NLGN4Y: variants seen among roughly 807,000 people sequenced by gnomAD.
NLGN4Y encodes the protein neuroligin 4 Y-linked.
In NLGN4Y, 4 loss-of-function variants were observed where a neutral mutation model predicts 8.4. That is an observed-to-expected ratio of 0.48 (90% confidence interval 0.23 to 1.09). NLGN4Y has a LOEUF of 1.09. Among genes scored for constraint, NLGN4Y ranks in the 50% least tolerant of loss-of-function variants. The pLI, the probability that NLGN4Y is intolerant of heterozygous loss-of-function variation, is 0.19. For missense variants in NLGN4Y, 90 were observed against 192.3 expected, an observed-to-expected ratio of 0.47 and a Z score of 3.15; for synonymous variants, 35 against 75.6, an observed-to-expected ratio of 0.46 and a Z score of 2.78.
chrY:14,550,238 C>A, intron 1 of NLGN4Y, among the ~76,000 whole-genome samples: 1 of 34,102 alleles, frequency 2.9e-5, no homozygotes, highest in South Asian at 6.5e-4. Flanking sequence ...TGAATATGCA[C>A]AAATATGTTT....
chrY:14,642,348 G>A, intron 2 of NLGN4Y, among the ~76,000 whole-genome samples: 1 of 33,604 alleles, frequency 3.0e-5, no homozygotes, highest in Non-Finnish European at 7.3e-5. Flanking sequence ...TAAGCCTACT[G>A]GCCCCACCCA....
intron 2 of NLGN4Y, among the ~76,000 whole-genome samples, chrY:14,707,968 A>G (rs1021451379): frequency 1.8e-4 from 6 of 32,839 alleles, no homozygotes; most frequent in Admixed American, 5.7e-4. Context: ...CTATTTCCTA[A>G]CCCTATTTTA....
At chrY:14,605,552 T>G in intron 1 of NLGN4Y, among the ~76,000 whole-genome samples, 2 of 32,986 alleles carry the variant, frequency 6.1e-5, no homozygotes, top group African/African-American at 1.2e-4. Flanking sequence ...TCTGTGGTAG[T>G]TCCTCTTAAG....
intron 1 of NLGN4Y, among the ~76,000 whole-genome samples, chrY:14,591,936 G>A: frequency 6.0e-5 from 2 of 33,254 alleles, no homozygotes; most frequent in South Asian, 6.8e-4. Flanking sequence ...CCTTCGTAAC[G>A]AGGGTGGAAG....
intron 4 of NLGN4Y, among the ~76,000 whole-genome samples, chrY:14,736,893 C>T (rs2080992954): frequency 3.0e-5 from 1 of 32,877 alleles, no homozygotes. Flanking sequence ...TCTTTATTAG[C>T]AACATGAGAA....
At chrY:14,824,423 A>G in intron 5 of NLGN4Y, 50 bp downstream of exon 5, 3 of 363,224 alleles carry the variant, frequency 8.3e-6, no homozygotes, top group Non-Finnish European at 1.2e-5. Flanking sequence ...GAACCAAGAA[A>G]TGAATAGTCA....
chrY:14,701,430 A>T, intron 2 of NLGN4Y, among the ~76,000 whole-genome samples: 1 of 33,767 alleles, frequency 3.0e-5, no homozygotes, highest in Non-Finnish European at 7.3e-5. Context: ...ATGCTACTAT[A>T]GAAAATTACA....
intron 2 of NLGN4Y, among the ~76,000 whole-genome samples, chrY:14,686,146 T>A (rs2080790167): frequency 6.0e-5 from 2 of 33,263 alleles, no homozygotes; most frequent in African/African-American, 2.3e-4. Flanking sequence ...GCCTTCCTGA[T>A]GAGCTGAGGG....
At chrY:14,598,386 G>C (rs1014086720) in intron 1 of NLGN4Y, among the ~76,000 whole-genome samples, 3 of 33,915 alleles carry the variant, frequency 8.8e-5, no homozygotes, top group Non-Finnish European at 2.2e-4. Flanking sequence ...GCGCAGCGCC[G>C]GTGGGCCAGC....
At chrY:14,565,273 A>G in intron 1 of NLGN4Y, among the ~76,000 whole-genome samples, 1 of 32,041 alleles carries the variant, frequency 3.1e-5, no homozygotes, top group Non-Finnish European at 7.5e-5. Flanking sequence ...AAGAACCTTG[A>G]AAAAAGGTGA....
At chrY:14,635,305 A>G in intron 2 of NLGN4Y, among the ~76,000 whole-genome samples, 1 of 33,134 alleles carries the variant, frequency 3.0e-5, no homozygotes, top group East Asian at 7.9e-4. Flanking sequence ...TAATAAATAA[A>G]TCATTATTTG....
rs2150588126 is a variant in NLGN4Y at position 14,812,134 on chromosome Y, C to T, written c.686-12054C>T. On this transcript the variant is annotated intron_variant, in intron 4 of 6. Transcript: ENST00000684976. ...AGGCAAGAGAGCATGTGCAGGGGAA[C>T]TGTCCTTCATAAAATCATCAAATCT... Among the ~76,000 whole-genome samples, 7 of 33,178 alleles carry T rather than the reference C, an allele frequency of 2.1e-4. No individual in the cohort carries two copies. In the East Asian group the frequency reaches 5.5e-3, roughly 26 times the overall value. The allele number at this position is 33,178 out of a possible 37,273, so 89.0% of individuals were successfully genotyped here. A position where few individuals can be genotyped will look rare whatever the true frequency, so the allele number is the denominator to read the frequency against.
chrY:14,812,273 A>C, intron 4 of NLGN4Y, among the ~76,000 whole-genome samples: 1 of 33,763 alleles, frequency 3.0e-5, no homozygotes. Context: ...GGGACACAGC[A>C]AAATCATATC....
At chrY:14,771,937 A>G in intron 4 of NLGN4Y, among the ~76,000 whole-genome samples, 1 of 33,354 alleles carries the variant, frequency 3.0e-5, no homozygotes, top group Non-Finnish European at 7.4e-5. Flanking sequence ...AATTTATACC[A>G]CTAAATACCC....
At chrY:14,631,650 T>C in intron 2 of NLGN4Y, among the ~76,000 whole-genome samples, 1 of 34,588 alleles carries the variant, frequency 2.9e-5, no homozygotes, top group Non-Finnish European at 7.2e-5. Flanking sequence ...TTTCCAGAGA[T>C]GATGGCTTTG....
intron 4 of NLGN4Y, among the ~76,000 whole-genome samples, chrY:14,737,115 A>G (rs2080993601): frequency 3.0e-5 from 1 of 33,435 alleles, no homozygotes; most frequent in Non-Finnish European, 7.4e-5. Context: ...TAAATGCCCT[A>G]TGTGTTCCAG....
intron 2 of NLGN4Y, among the ~76,000 whole-genome samples, chrY:14,663,842 T>A: frequency 3.0e-5 from 1 of 32,966 alleles, no homozygotes; most frequent in African/African-American, 1.2e-4. Context: ...ATATTTTAAA[T>A]GTTTTGGGGT....
chrY:14,711,371 G>A (rs2080898739), intron 2 of NLGN4Y, among the ~76,000 whole-genome samples: 1 of 31,987 alleles, frequency 3.1e-5, no homozygotes, highest in South Asian at 7.3e-4. Context: ...TTCAAGGGGT[G>A]AAAATACAGA....
intron 1 of NLGN4Y, among the ~76,000 whole-genome samples, chrY:14,533,907 A>G (rs2080122459): frequency 3.0e-5 from 1 of 33,070 alleles, no homozygotes; most frequent in Non-Finnish European, 7.4e-5. Context: ...CATCACGTTC[A>G]TGGAAAGGAC....
Sources: gnomAD v4.1 joint callset for allele counts (sites outside exome capture counted in the v4.1 genomes callset) on GRCh38, gnomAD v4.1.1 for gene constraint, MANE v1.5 for transcripts, NCBI Gene and HGNC (gene_info 2026-07-23, HGNC 2026-07-21) for gene names.